Variants in DESI2 observed in about 807,000 individuals in gnomAD.
DESI2 encodes the protein desumoylating isopeptidase 2.
A neutral mutation model predicts 24.1 loss-of-function variants in DESI2; 10 were observed. That is an observed-to-expected ratio of 0.41 (90% CI 0.26 to 0.70). The LOEUF (loss-of-function observed/expected upper bound fraction) is 0.70, where lower values mean the gene tolerates loss of function less well. Ranked by LOEUF, DESI2 falls within the 30% of genes least tolerant of loss-of-function variation. The probability of loss-of-function intolerance (pLI) is 0.29; values close to 1 mark genes in which losing one functional copy is unlikely to be tolerated. For synonymous variants in DESI2, 71 were observed against 87.7 expected, an observed-to-expected ratio of 0.81 and a Z score of 1.06; for missense variants, 122 against 234.9, an observed-to-expected ratio of 0.52 and a Z score of 3.14.
At chr1:244,691,135 C>G (rs1285796079) in intron 3 of DESI2, among the ~76,000 whole-genome samples, 1 of 152,234 alleles carries the variant, frequency 6.6e-6, no homozygotes, top group Non-Finnish European at 1.5e-5. Flanking sequence ...GTCACCCTGG[C>G]TGGAGTACAG....
intron 4 of DESI2, among the ~76,000 whole-genome samples, chr1:244,696,921 G>A (rs546325453): frequency 4.8e-4 from 73 of 152,160 alleles, no homozygotes; most frequent in African/African-American, 1.7e-3. Context: ...TAGAAGTCTC[G>A]GGTTCTGAGT....
intron 1 of DESI2, among the ~76,000 whole-genome samples, chr1:244,680,017 A>T (rs1232876824): frequency 1.6e-5 from 2 of 124,868 alleles, no homozygotes; most frequent in Non-Finnish European, 1.6e-5. Context: ...GGTTCTTTTT[A>T]GCCTTTTTTT....
intron 1 of DESI2, among the ~76,000 whole-genome samples, chr1:244,683,142 A>G (rs1676676785): frequency 6.6e-6 from 1 of 151,854 alleles, no homozygotes; most frequent in Non-Finnish European, 1.5e-5. Context: ...CACCAGGGGG[A>G]TGGTGGAGGA....
rs1333897119 is a variant in DESI2, at chr1:244,689,456, T to C, written c.209+114T>C. 1 of 587,474 alleles carries C rather than the reference T, an allele frequency of 1.7e-6. No individual in the cohort carries two copies. Among genetic ancestry groups the C allele is most frequent in the African/African-American group, 1.9e-5 (1 of 52,114 alleles). 36.4% of individuals were successfully genotyped at this position (587,474 alleles called of 1,614,324 possible). On this transcript the variant is annotated intron_variant, in intron 3 of 4. Transcript: ENST00000302550. The surrounding 1 kb of genome is among the most constrained non-coding windows in gnomAD (Gnocchi z 4.0). ...AACCCAAGAAGTTAAAAATGTCTCT[T>C]TGTTTTAATTGCTGACATTTTATAT... is the stretch of plus-strand genomic sequence containing the variant.
In DESI2 at chr1:244,676,773, G is replaced by T. The variant is rs1473239697; in HGVS notation, c.43-9824G>T. On this transcript the variant is annotated intron_variant, in intron 1 of 4. Coordinates refer to ENST00000302550, the MANE Select transcript of DESI2 (RefSeq NM_016076.5). ...AATAGATTTTAAAAATATATACAATGTATATTTTATATATTGTATAAAATA... is the reference window on the plus strand; with the variant it reads ...AATAGATTTTAAAAATATATACAATTTATATTTTATATATTGTATAAAATA... Among the ~76,000 whole-genome samples the T allele has an allele frequency of 2.0e-5, 3 of 147,128 alleles. No individual in the cohort carries two copies. The East Asian group carries it at 5.9e-4, about 29-fold the overall frequency.
At chr1:244,695,453 A>G (rs1370684736) in intron 4 of DESI2, among the ~76,000 whole-genome samples, 1 of 152,224 alleles carries the variant, frequency 6.6e-6, no homozygotes, top group African/African-American at 2.4e-5. Context: ...AGAGATCAAG[A>G]CCATCCTGGC....
chr1:244,664,020 GAAAAAAAAAA>G (rs34195856), intron 1 of DESI2, among the ~76,000 whole-genome samples: 2 of 89,374 alleles, frequency 2.2e-5, no homozygotes, highest in Middle Eastern at 7.6e-3. Flanking sequence ...TCCGTCTCAG[GAAAAAAAAAA>G]AAAAAAAAAA....
At chr1:244,694,420 G>A (rs773281013) in intron 4 of DESI2, 57 of 717,724 alleles carry the variant, frequency 7.9e-5, no homozygotes, top group Non-Finnish European at 1.3e-4. Context: ...ATTACTCATC[G>A]TTGAAATTCT....
At chr1:244,705,056 G>GGTAA (rs1277134322) in intron 4 of DESI2, among the ~76,000 whole-genome samples, 1 of 152,092 alleles carries the variant, frequency 6.6e-6, no homozygotes, top group Non-Finnish European at 1.5e-5. Context: ...GAAGTAAAGG[G>GGTAA]GTAAAATGTA....
chr1:244,700,877 TTTG>T (rs1376648402), intron 4 of DESI2, among the ~76,000 whole-genome samples: 6 of 152,230 alleles, frequency 3.9e-5, no homozygotes, highest in African/African-American at 9.6e-5. Flanking sequence ...GTTAAGGTTT[TTTG>T]TTGTTCTTTC....
chr1:244,680,293 G>C (rs998048297), intron 1 of DESI2, among the ~76,000 whole-genome samples: 12 of 152,092 alleles, frequency 7.9e-5, no homozygotes, highest in African/African-American at 2.4e-4. Context: ...ATAAAAAATA[G>C]CTGGGCATGG....
Position 244,653,241 on chromosome 1 carries a change from G to C in DESI2, c.-73G>C. The C allele has an allele frequency of 7.0e-7, 1 of 1,420,678 alleles. No homozygotes were observed. The highest frequency in any genetic ancestry group is 9.2e-7 in the Non-Finnish European group (1 of 1,081,898). The allele number at this position is 1,420,678 out of a possible 1,614,324, so 88.0% of individuals were successfully genotyped here. A position where few individuals can be genotyped will look rare whatever the true frequency, so the allele number is the denominator to read the frequency against. ...GGCTCAGGCCCCCTGAAGCGCCCGC[G>C]GGGGTGAGAGCGGCCTCCGGCCCCG... On this transcript the variant is annotated 5_prime_UTR_variant, in exon 1 of 5. Transcript: ENST00000302550.
chr1:244,697,398 A>G (rs1179017248), intron 4 of DESI2, among the ~76,000 whole-genome samples: 1 of 150,588 alleles, frequency 6.6e-6, no homozygotes, highest in African/African-American at 2.4e-5. Flanking sequence ...AATCCCAGCT[A>G]CTCAGGAGGT....
At chr1:244,667,335 G>A (rs1007142292) in intron 1 of DESI2, among the ~76,000 whole-genome samples, 1 of 152,094 alleles carries the variant, frequency 6.6e-6, no homozygotes, top group Non-Finnish European at 1.5e-5. Context: ...GGGAGAAATT[G>A]GCCAAAACAG....
chr1:244,667,426 C>T (rs1676084976), intron 1 of DESI2, among the ~76,000 whole-genome samples: 1 of 152,110 alleles, frequency 6.6e-6, no homozygotes, highest in African/African-American at 2.4e-5. Context: ...CCTTTGACTC[C>T]GGGTCTCACA....
At chr1:244,655,893 G>A (rs959083208) in intron 1 of DESI2, among the ~76,000 whole-genome samples, 2 of 152,224 alleles carry the variant, frequency 1.3e-5, no homozygotes, top group African/African-American at 4.8e-5. Flanking sequence ...GTGGGCTTGG[G>A]TGAAGGGCTG....
intron 1 of DESI2, among the ~76,000 whole-genome samples, chr1:244,668,270 AG>A (rs1311174643): frequency 6.6e-6 from 1 of 152,154 alleles, no homozygotes; most frequent in South Asian, 2.1e-4. Context: ...CATACAATTT[AG>A]GGGGGTCTTT....
At chr1:244,674,187 C>T (rs747256482) in intron 1 of DESI2, among the ~76,000 whole-genome samples, 3 of 151,932 alleles carry the variant, frequency 2.0e-5, no homozygotes, top group Non-Finnish European at 2.9e-5. Context: ...TTTGTAGAAA[C>T]GGGGTTTCAC....
At chr1:244,698,630 C>CA in intron 4 of DESI2, among the ~76,000 whole-genome samples, 1 of 152,216 alleles carries the variant, frequency 6.6e-6, no homozygotes, top group Non-Finnish European at 1.5e-5. Context: ...TAAAACTTGA[C>CA]ATTGCCTCCT....
Sources: gnomAD v4.1 joint callset for allele counts (sites outside exome capture counted in the v4.1 genomes callset) on GRCh38, gnomAD v4.1.1 for gene constraint, Gnocchi (gnomAD v3.1) non-coding constraint, MANE v1.5 for transcripts, NCBI Gene and HGNC (gene_info 2026-07-23, HGNC 2026-07-21) for gene names.